ZNF385D: variants seen among roughly 807,000 people sequenced by gnomAD.
The protein encoded by ZNF385D is zinc finger protein 659.
In ZNF385D, 15 loss-of-function variants were observed where a neutral mutation model predicts 35.8. The observed-to-expected ratio is 0.42, with a 90% CI of 0.28 to 0.64. The LOEUF (loss-of-function observed/expected upper bound fraction) is 0.64, where lower values mean the gene tolerates loss of function less well. Ranked by LOEUF, ZNF385D falls within the 30% of genes least tolerant of loss-of-function variation. The pLI, the probability that ZNF385D is intolerant of heterozygous loss-of-function variation, is 0.23. For synonymous variants in ZNF385D, 212 were observed against 186.8 expected, an observed-to-expected ratio of 1.13 and a Z score of -1.10; for missense variants, 474 against 494.6, an observed-to-expected ratio of 0.96 and a Z score of 0.39.
Position 22,062,354 on chromosome 3 carries a change from C to G in ZNF385D, c.325+106463G>C, listed in dbSNP as rs73139310. Among the ~76,000 whole-genome samples, 170 of 152,254 alleles carry G rather than the reference C, an allele frequency of 1.1e-3. 1 individual carries two copies. Among genetic ancestry groups the G allele is most frequent in the African/African-American group, 3.7e-3 (153 of 41,544 alleles). On this transcript the variant is annotated intron_variant, in intron 3 of 5. Transcript: ENST00000494108. The stretch of plus-strand genomic sequence containing the variant: ...ACAGCCGTGAGTCACTTGCGCCCAG[C>G]CTGTTGGTACATTTTAAAATAATCT...
intron 3 of ZNF385D, among the ~76,000 whole-genome samples, chr3:22,020,726 C>T (rs1177142088): frequency 1.3e-5 from 2 of 151,784 alleles, no homozygotes; most frequent in African/African-American, 4.8e-5. Context: ...GAGATTTCTC[C>T]AAGAACTTAA....
chr3:21,975,831 A>G (rs1455784175), intron 3 of ZNF385D, among the ~76,000 whole-genome samples: 2 of 151,330 alleles, frequency 1.3e-5, no homozygotes, highest in South Asian at 2.1e-4. Context: ...AAAAAAAATT[A>G]AGTGAGATTG....
intron 5 of ZNF385D, among the ~76,000 whole-genome samples, chr3:21,428,981 G>C (rs1187630621): frequency 8.2e-6 from 1 of 122,196 alleles, no homozygotes; most frequent in African/African-American, 3.3e-5. Flanking sequence ...GAGTATTTGG[G>C]GGAAAGATAC....
chr3:22,233,392 A>C (rs1352820420), intron 2 of ZNF385D, among the ~76,000 whole-genome samples: 1 of 152,176 alleles, frequency 6.6e-6, no homozygotes. Flanking sequence ...AATGAAAGAA[A>C]GCAGATCAGT....
chr3:21,815,550 A>T (rs1250929966), intron 3 of ZNF385D, among the ~76,000 whole-genome samples: 1 of 152,150 alleles, frequency 6.6e-6, no homozygotes, highest in Non-Finnish European at 1.5e-5. Flanking sequence ...TACTATAAAC[A>T]CCTCTCCACA....
intron 3 of ZNF385D, among the ~76,000 whole-genome samples, chr3:22,081,298 G>C (rs1012069699): frequency 5.3e-5 from 8 of 152,072 alleles, no homozygotes; most frequent in Non-Finnish European, 1.2e-4. Context: ...ATATAGTATA[G>C]AACTGGGGAT....
intron 3 of ZNF385D, among the ~76,000 whole-genome samples, chr3:21,769,316 G>C (rs1287310840): frequency 7.2e-6 from 1 of 139,672 alleles, no homozygotes; most frequent in Non-Finnish European, 1.5e-5. Flanking sequence ...CAGATGACAT[G>C]ATTGTATATC....
chr3:22,309,087 G>T (rs923123378), intron 2 of ZNF385D, among the ~76,000 whole-genome samples: 1 of 152,034 alleles, frequency 6.6e-6, no homozygotes, highest in East Asian at 1.9e-4. Context: ...TGTGTAACTT[G>T]AAGGGTGCCA....
intron 3 of ZNF385D, among the ~76,000 whole-genome samples, chr3:22,161,903 T>TCAATAA (rs1705979786): frequency 6.6e-6 from 1 of 152,172 alleles, no homozygotes. Context: ...TAATGAGTTG[T>TCAATAA]CAATAATGTA....
chr3:21,710,768 AAAG>A (rs1225037585), intron 1 of ZNF385D, among the ~76,000 whole-genome samples: 1 of 152,194 alleles, frequency 6.6e-6, no homozygotes, highest in Non-Finnish European at 1.5e-5. Flanking sequence ...TGTTTTCTCC[AAAG>A]AAGTTATGTA....
At chr3:22,030,322 G>A (rs1379443951) in intron 3 of ZNF385D, among the ~76,000 whole-genome samples, 3 of 82,148 alleles carry the variant, frequency 3.7e-5, no homozygotes, top group African/African-American at 1.1e-4. Flanking sequence ...TCCATCCCTC[G>A]AAGAGAACTC....
intron 3 of ZNF385D, among the ~76,000 whole-genome samples, chr3:21,873,840 T>C (rs1025553470): frequency 3.3e-5 from 5 of 152,126 alleles, no homozygotes; most frequent in Non-Finnish European, 5.9e-5. Flanking sequence ...CAAATAATAC[T>C]TCATTGTATG....
chr3:22,337,866 T>G (rs895702989), intron 2 of ZNF385D, among the ~76,000 whole-genome samples: 1 of 152,246 alleles, frequency 6.6e-6, no homozygotes, highest in Non-Finnish European at 1.5e-5. Context: ...CATACAGTTT[T>G]CATGACTGGA....
intron 1 of ZNF385D, among the ~76,000 whole-genome samples, chr3:21,738,873 C>A (rs562750589): frequency 2.0e-5 from 3 of 152,198 alleles, no homozygotes; most frequent in Non-Finnish European, 4.4e-5. Context: ...GCAAGAGTAG[C>A]TTCTGCTTTG....
chr3:21,546,125 A>T (rs535308909), intron 3 of ZNF385D, among the ~76,000 whole-genome samples: 2 of 152,144 alleles, frequency 1.3e-5, no homozygotes, highest in African/African-American at 4.8e-5. Context: ...AAACTCATCA[A>T]ACTTACCATA....
rs564006342 is a variant in ZNF385D at position 21,552,085 on chromosome 3, C to G, written c.276+12489G>C. ...ATAGAGGATTCAACCAAGCATACAA[C>G]TGAATTACAATGTTATTTTTCTAGA... On this transcript the variant is annotated intron_variant, in intron 3 of 7. Transcript: ENST00000281523. Among the ~76,000 whole-genome samples the G allele has an allele frequency of 5.9e-5, 9 of 152,260 alleles. No individual in the cohort carries two copies. In the South Asian group the frequency reaches 8.3e-4, roughly 14 times the overall value.
intron 3 of ZNF385D, among the ~76,000 whole-genome samples, chr3:22,123,289 C>T (rs928374076): frequency 2.6e-5 from 4 of 152,030 alleles, no homozygotes; most frequent in African/African-American, 9.7e-5. Flanking sequence ...TACAGTTTTA[C>T]ACAAGTTATA....
intron 2 of ZNF385D, among the ~76,000 whole-genome samples, chr3:22,287,877 C>T (rs951339047): frequency 6.6e-6 from 1 of 151,894 alleles, no homozygotes; most frequent in Non-Finnish European, 1.5e-5. Context: ...TTTTCTTTTA[C>T]TAATTTGCAT....
chr3:21,519,655 C>T (rs917108977), intron 3 of ZNF385D, among the ~76,000 whole-genome samples: 4 of 152,176 alleles, frequency 2.6e-5, no homozygotes, highest in African/African-American at 9.7e-5. Context: ...GCAAAATTTG[C>T]TCAGTCCTTT....
Sources: gnomAD v4.1 joint callset for allele counts (sites outside exome capture counted in the v4.1 genomes callset) on GRCh38, gnomAD v4.1.1 for gene constraint, MANE v1.5 for transcripts, NCBI Gene and HGNC (gene_info 2026-07-23, HGNC 2026-07-21) for gene names.